The following DDX1 variants were observed in gnomAD, a reference collection of about 807,000 sequenced individuals.
DDX1 encodes DEAD-box helicase 1.
DDX1 carries 28 observed loss-of-function variants against 108.7 expected under a neutral mutation model. The observed-to-expected ratio is 0.26, with a 90% CI of 0.19 to 0.35. DDX1 has a LOEUF of 0.35. DDX1 is among the 10% of genes least tolerant of loss of function. The probability of loss-of-function intolerance (pLI) is 1.00; values close to 1 mark genes in which losing one functional copy is unlikely to be tolerated. For synonymous variants in DDX1, 295 were observed against 288.9 expected (o/e 1.02, Z -0.21); for missense variants, 710 against 884.5 (o/e 0.80, Z 2.50).
chr2:15,611,937 G>A (rs1330551709), intron 13 of DDX1, among the ~76,000 whole-genome samples: 11 of 114,952 alleles, frequency 9.6e-5, no homozygotes, highest in Non-Finnish European at 1.7e-4. Context: ...CCTTCCTCCC[G>A]GACGAGGCGG....
intron 19 of DDX1, among the ~76,000 whole-genome samples, chr2:15,624,494 A>G (rs4668946): frequency 0.14 from 21,414 of 152,230 alleles, 1,916 homozygotes; most frequent in East Asian, 0.38. Flanking sequence ...CCTTCTTTAC[A>G]TGGCAGCAGG....
chr2:15,625,201 TACTC>T (rs879675239), intron 19 of DDX1, among the ~76,000 whole-genome samples: 13 of 151,538 alleles, frequency 8.6e-5, no homozygotes, highest in African/African-American at 2.2e-4. Flanking sequence ...AAAGAATTCT[TACTC>T]AAGAATATAC....
intron 14 of DDX1, among the ~76,000 whole-genome samples, chr2:15,613,769 C>T (rs1221748702): frequency 6.6e-6 from 1 of 151,604 alleles, no homozygotes; most frequent in African/African-American, 2.4e-5. Flanking sequence ...TGTGCTCAGC[C>T]ATGCCATTAC....
At chr2:15,596,697 C>CT (rs1485108262) in intron 3 of DDX1, 37 bp from the exon 4 acceptor site, 2 of 1,597,492 alleles carry the variant, frequency 1.3e-6, no homozygotes, top group Non-Finnish European at 1.7e-6. Context: ...TAATAGACAA[C>CT]TTAATCTGTA....
At position 15,628,525 on chromosome 2, in the gene DDX1, G is replaced by C; in HGVS notation, c.1759+8G>C. The C allele has an allele frequency of 6.2e-7, 1 of 1,611,974 alleles. No homozygotes were observed. Among genetic ancestry groups the C allele is most frequent in the Non-Finnish European group, 8.5e-7 (1 of 1,178,214 alleles). Reference sequence around the variant, plus strand: ...TCCACGGTGTTCCTTATGGTAAAAAGCAACTTTTTATGCCTGTAGTGTGAT... The same window carrying C: ...TCCACGGTGTTCCTTATGGTAAAAACCAACTTTTTATGCCTGTAGTGTGAT... On this transcript the variant is annotated splice_region_variant and intron_variant, in intron 21 of 25. Transcript: ENST00000233084.
At chr2:15,592,064 G>A (rs1230827769) in intron 1 of DDX1, 115 bp downstream of exon 1, 11 of 1,021,920 alleles carry the variant, frequency 1.1e-5, no homozygotes, top group Non-Finnish European at 1.5e-5. Flanking sequence ...GAGACAGAAG[G>A]GCGCTGTCCG....
Position 15,607,163 on chromosome 2 carries a change from T to G in DDX1, c.818-12T>G. On this transcript the variant is annotated splice_polypyrimidine_tract_variant and intron_variant, in intron 12 of 25. Coordinates refer to ENST00000233084, the MANE Select transcript of DDX1 (RefSeq NM_004939.3). ...TGCTTTGAATGTGTTCTCATCTTTT[T>G]TATTCCCTAAGGTAATGCACAGGTG... is the stretch of plus-strand genomic sequence containing the variant. The G allele has an allele frequency of 6.2e-7, 1 of 1,612,724 alleles. No homozygotes were observed. Among genetic ancestry groups the G allele is most frequent in the Non-Finnish European group, 8.5e-7 (1 of 1,179,258 alleles).
intron 18 of DDX1, 147 bp downstream of exon 18, chr2:15,621,263 G>A (rs980322164): frequency 9.4e-6 from 6 of 637,172 alleles, no homozygotes; most frequent in Non-Finnish European, 1.7e-5. Context: ...AAGAAATGGG[G>A]AAAAGCTGAT....
At chr2:15,614,057 G>C (rs1374781602) in intron 14 of DDX1, among the ~76,000 whole-genome samples, 1 of 152,088 alleles carries the variant, frequency 6.6e-6, no homozygotes, top group African/African-American at 2.4e-5. Context: ...CTGACCTCAG[G>C]TGATCCACCC....
intron 16 of DDX1, among the ~76,000 whole-genome samples, chr2:15,619,474 C>CT (rs968492494): frequency 2.0e-5 from 3 of 152,224 alleles, no homozygotes; most frequent in African/African-American, 7.2e-5. Context: ...TGCAGCCTCT[C>CT]TTGCTGCCGC....
chr2:15,628,883 AT>A, intron 23 of DDX1, 44 bp downstream of exon 23: 2 of 1,555,406 alleles, frequency 1.3e-6, no homozygotes, highest in Non-Finnish European at 1.8e-6. Flanking sequence ...GTGTGTTGTG[AT>A]TTTAGATGTT....
Position 15,627,215 on chromosome 2 carries a change from A to G in DDX1, c.1686+70A>G, listed in dbSNP as rs576978510. 38 of 848,142 alleles carry G rather than the reference A, an allele frequency of 4.5e-5. 1 individual carries two copies. In the South Asian group the frequency reaches 6.2e-4, roughly 14 times the overall value. 52.5% of individuals were successfully genotyped at this position (848,142 alleles called of 1,614,324 possible). ...ATTATATCTAGTTTTAAGCAGTTTT[A>G]ATTAATATTATTAAAGCAATTATTG... On this transcript the variant is annotated intron_variant, in intron 20 of 25. Transcript: ENST00000233084.
chr2:15,618,070 A>G (rs902589918), intron 15 of DDX1, 111 bp from the exon 16 acceptor site: 2 of 575,616 alleles, frequency 3.5e-6, no homozygotes, highest in East Asian at 5.2e-5. Context: ...TGCATGAATT[A>G]GTTTCCTTAT....
chr2:15,606,932 C>T (rs555896262), intron 12 of DDX1, among the ~76,000 whole-genome samples: 92 of 152,152 alleles, frequency 6.0e-4, no homozygotes, highest in Non-Finnish European at 8.4e-4. Context: ...AAGTGATCGT[C>T]CCACCTTGGG....
intron 25 of DDX1, among the ~76,000 whole-genome samples, chr2:15,630,423 T>G (rs1365054752): frequency 6.6e-6 from 1 of 152,198 alleles, no homozygotes; most frequent in Non-Finnish European, 1.5e-5. Flanking sequence ...GAACAAGGAA[T>G]CAGAAGCCTT....
intron 14 of DDX1, among the ~76,000 whole-genome samples, chr2:15,613,588 A>G (rs554613142): frequency 1.5e-4 from 23 of 152,308 alleles, no homozygotes; most frequent in Admixed American, 5.9e-4. Context: ...AGATAAGTGA[A>G]AAAGAAGAAA....
intron 16 of DDX1, 39 bp from the exon 17 acceptor site, chr2:15,620,169 T>C: frequency 6.5e-7 from 1 of 1,531,434 alleles, no homozygotes; most frequent in East Asian, 2.2e-5. Context: ...TAATTATTAT[T>C]ATAAAAGTTC....
chr2:15,611,844 A>G (rs1665770473), intron 13 of DDX1, among the ~76,000 whole-genome samples: 2 of 76,070 alleles, frequency 2.6e-5, no homozygotes, highest in African/African-American at 6.8e-5. Context: ...GGGGCTCCTC[A>G]CTTCCCAGTA....
At chr2:15,621,649 CT>C (rs199554758) in intron 18 of DDX1, among the ~76,000 whole-genome samples, 166 of 145,988 alleles carry the variant, frequency 1.1e-3, no homozygotes, top group East Asian at 6.0e-3. Flanking sequence ...ATCTAAATCA[CT>C]TTTTTTTTTT....
Sources: allele counts gnomAD v4.1 joint callset (sites outside exome capture counted in the v4.1 genomes callset), GRCh38; gene constraint gnomAD v4.1.1; transcripts MANE v1.5; gene names NCBI Gene and HGNC (gene_info 2026-07-23, HGNC 2026-07-21).